Variants in PCDHA13 observed in about 807,000 individuals in gnomAD.
PCDHA13 encodes protocadherin alpha-13.
PCDHA13 carries 54 observed loss-of-function variants against 64.8 expected under a neutral mutation model. The observed-to-expected ratio is 0.83, with a 90% CI of 0.67 to 1.04. PCDHA13 has a LOEUF of 1.04. Ranked by LOEUF, PCDHA13 falls within the 50% of genes least tolerant of loss-of-function variation. The pLI is 0.00. For missense variants in PCDHA13, 1,248 were observed against 1,254.3 expected, an observed-to-expected ratio of 0.99 and a Z score of 0.08; for synonymous variants, 587 against 564.4, an observed-to-expected ratio of 1.04 and a Z score of -0.57.
intron 1 of PCDHA13, among the ~76,000 whole-genome samples, chr5:140,902,641 G>T (rs2069615645): frequency 6.6e-6 from 1 of 152,080 alleles, no homozygotes; most frequent in Non-Finnish European, 1.5e-5. Context: ...TGATTTCTGA[G>T]ATTTTGGTGC....
chr5:140,938,226 A>G lies in PCDHA13; in HGVS notation c.2395-40723A>G, dbSNP rs529190111. On this transcript the variant is annotated intron_variant, in intron 1 of 3. Transcript: ENST00000289272. ...CTCCCAAAGTGCTGGGATTACAGGC[A>G]TAGGCCACCATGCCTGGTCTTTTAA... Among the ~76,000 whole-genome samples the G allele has an allele frequency of 3.3e-5, 5 of 152,330 alleles. No individual in the cohort carries two copies. In the South Asian group the frequency reaches 1.0e-3, roughly 32 times the overall value.
At chr5:140,977,513 A>G (rs1378316611) in intron 1 of PCDHA13, among the ~76,000 whole-genome samples, 2 of 152,236 alleles carry the variant, frequency 1.3e-5, no homozygotes, top group African/African-American at 4.8e-5. Context: ...GCATTTTGTG[A>G]ACTTGAAAAC....
At chr5:140,990,670 A>T (rs1172208113) in intron 3 of PCDHA13, among the ~76,000 whole-genome samples, 1 of 152,192 alleles carries the variant, frequency 6.6e-6, no homozygotes, top group Non-Finnish European at 1.5e-5. Flanking sequence ...CATTAGATGC[A>T]CACCAAGCTG....
At chr5:140,902,324 C>A (rs1554190388) in intron 1 of PCDHA13, among the ~76,000 whole-genome samples, 1 of 151,472 alleles carries the variant, frequency 6.6e-6, no homozygotes, top group Non-Finnish European at 1.5e-5. Context: ...AGGTGTAACT[C>A]ACTTCGCCTG....
At chr5:140,940,528 A>G (rs1190387049) in intron 1 of PCDHA13, among the ~76,000 whole-genome samples, 6 of 152,156 alleles carry the variant, frequency 3.9e-5, no homozygotes, top group African/African-American at 1.4e-4. Flanking sequence ...AGCTCACTGC[A>G]ATCTTGAATT....
chr5:140,963,196 GA>G (rs199602110), intron 1 of PCDHA13, among the ~76,000 whole-genome samples: 26 of 147,674 alleles, frequency 1.8e-4, no homozygotes, highest in South Asian at 4.3e-4. Context: ...CTGTGAAAAT[GA>G]AAAAAAAAAC....
chr5:140,995,184 T>G (rs1382886542), intron 3 of PCDHA13, among the ~76,000 whole-genome samples: 3 of 152,168 alleles, frequency 2.0e-5, no homozygotes, highest in African/African-American at 7.2e-5. Flanking sequence ...GCACCTATGA[T>G]AAAGTTTAAT....
chr5:140,953,536 A>G (rs2094900021), intron 1 of PCDHA13, among the ~76,000 whole-genome samples: 1 of 152,124 alleles, frequency 6.6e-6, no homozygotes, highest in Non-Finnish European at 1.5e-5. Flanking sequence ...AACTCACTTC[A>G]TGCTGATTCT....
intron 1 of PCDHA13, among the ~76,000 whole-genome samples, chr5:140,897,430 C>A (rs1297820601): frequency 6.7e-6 from 1 of 148,618 alleles, no homozygotes; most frequent in East Asian, 2.0e-4. Flanking sequence ...TGAGTGAGAA[C>A]ATGCAGTGTT....
intron 1 of PCDHA13, among the ~76,000 whole-genome samples, chr5:140,925,937 C>T (rs1244990026): frequency 1.4e-5 from 2 of 138,450 alleles, no homozygotes; most frequent in East Asian, 3.9e-4. Flanking sequence ...AGTAGAGCCT[C>T]TTGGAGAAGG....
intron 1 of PCDHA13, among the ~76,000 whole-genome samples, chr5:140,940,729 C>G (rs545285188): frequency 8.9e-4 from 136 of 152,326 alleles, no homozygotes; most frequent in African/African-American, 3.2e-3. Context: ...TTCAGCTGGA[C>G]AGCTCCATAT....
At chr5:140,905,627 G>A (rs1233983487) in intron 1 of PCDHA13, among the ~76,000 whole-genome samples, 1 of 152,150 alleles carries the variant, frequency 6.6e-6, no homozygotes, top group African/African-American at 2.4e-5. Context: ...GCTTTTGACA[G>A]TATGGTCAGT....
chr5:140,948,461 A>G (rs2094256529), intron 1 of PCDHA13, among the ~76,000 whole-genome samples: 1 of 151,516 alleles, frequency 6.6e-6, no homozygotes, highest in Admixed American at 6.6e-5. Flanking sequence ...TCTTTTAGGG[A>G]AAGTTTCTGA....
rs1554177345 is a variant in PCDHA13 at position 140,883,260 on chromosome 5, C to A, written c.992C>A (p.Ala331Glu). 1 of 1,613,946 alleles carries A rather than the reference C, an allele frequency of 6.2e-7. No individual in the cohort carries two copies. Among genetic ancestry groups the A allele is most frequent in the Non-Finnish European group, 8.5e-7 (1 of 1,179,998 alleles). The change falls in exon 1 of 4, where the codon GCG becomes GAG. Residue 331 changes from alanine (A) to glutamate (E), a missense_variant. Physicochemically the swap from Ala to Glu is moderately radical, Grantham distance 107 (BLOSUM62 -1). Coordinates refer to ENST00000289272, the MANE Select transcript of PCDHA13 (RefSeq NM_018904.3). ...EAVDKGNIPM[A>E]GHCTLLVEVL... ...GTTGACAAAGGAAATATTCCAATGG[C>A]GGGTCATTGTACCCTTTTGGTGGAA...
intron 1 of PCDHA13, among the ~76,000 whole-genome samples, chr5:140,950,741 C>A (rs149114023): frequency 1.3e-5 from 2 of 152,006 alleles, no homozygotes; most frequent in African/African-American, 4.8e-5. Flanking sequence ...ATCCTAATTT[C>A]TCTCTATCCT....
In PCDHA13 at chr5:140,882,839, T is replaced by C. The variant is rs1554175751; in HGVS notation, c.571T>C (p.Ser191Pro). ...ACAAAACAGTCTTGAGCAAATGTCT[T>C]CATTATCACTTGTACTGAGGAAAAC... The part of the protein sequence containing the change: ...DAQNSLEQMS[S>P]LSLVLRKTLD... Residue 191 changes from serine (S) to proline (P), a missense_variant, in exon 1 of 4, where the codon TCA becomes CCA. Physicochemically the swap from Ser to Pro is moderately conservative, Grantham distance 74 (BLOSUM62 -1). Transcript: ENST00000289272. 6.2e-7 allele frequency: 1 copy of C among 1,614,218 alleles called. No individual in the cohort carries two copies. Among genetic ancestry groups the C allele is most frequent in the South Asian group, 1.1e-5 (1 of 91,082 alleles).
At chr5:140,965,109 C>T (rs940351305) in intron 1 of PCDHA13, among the ~76,000 whole-genome samples, 3 of 152,168 alleles carry the variant, frequency 2.0e-5, no homozygotes, top group African/African-American at 7.2e-5. Context: ...GAAAATGACC[C>T]ATAGAGGAAG....
chr5:141,001,825 CAG>C (rs1244261427), intron 3 of PCDHA13, among the ~76,000 whole-genome samples: 1 of 151,674 alleles, frequency 6.6e-6, no homozygotes, highest in Non-Finnish European at 1.5e-5. Flanking sequence ...CAAATTCTGA[CAG>C]AGAGGGAGAC....
At chr5:140,930,356 A>G (rs1554207746) in intron 1 of PCDHA13, 1 of 152,106 alleles carries the variant, frequency 6.6e-6, no homozygotes, top group African/African-American at 2.4e-5. Context: ...CAAATATTTC[A>G]ATTTATCTGT....
Sources: allele counts gnomAD v4.1 joint callset (sites outside exome capture counted in the v4.1 genomes callset), GRCh38; gene constraint gnomAD v4.1.1; transcripts MANE v1.5; gene names NCBI Gene and HGNC (gene_info 2026-07-23, HGNC 2026-07-21).